Variants in PTCHD4 observed in about 807,000 individuals in gnomAD.
PTCHD4 encodes the protein patched domain containing 4, also known as patched domain-containing protein 4.
Under a neutral mutation model 58.1 loss-of-function variants are expected in PTCHD4, and 33 were observed. That is an observed-to-expected ratio of 0.57 (90% confidence interval 0.43 to 0.76). The LOEUF is 0.76. PTCHD4 is among the 30% of genes least tolerant of loss of function. The pLI is 0.00. For missense variants in PTCHD4, 1,058 were observed against 1,027.1 expected (o/e 1.03, Z -0.41); for synonymous variants, 478 against 409.6 (o/e 1.17, Z -2.02).
At chr6:48,051,853 C>G (rs944415248) in intron 3 of PTCHD4, among the ~76,000 whole-genome samples, 1 of 151,940 alleles carries the variant, frequency 6.6e-6, no homozygotes, top group South Asian at 2.1e-4. Context: ...GTATAGAGCT[C>G]TTGAGGAGGC....
Position 47,863,909 on chromosome 6 carries a change from G to A in PTCHD4, c.*14394C>T, listed in dbSNP as rs896217852. ...CCAACAGGTAGACTTGTCAGATATGGCCTTAGTTCAGGTAATTTCTTTTCT... is the reference window on the plus strand; with the variant it reads ...CCAACAGGTAGACTTGTCAGATATGACCTTAGTTCAGGTAATTTCTTTTCT... On this transcript the variant is annotated 3_prime_UTR_variant, in exon 5 of 5. Transcript: ENST00000339488. 2.0e-5 allele frequency among the ~76,000 whole-genome samples: 3 copies of A among 152,002 alleles called. No individual in the cohort carries two copies. The East Asian group carries it at 5.8e-4, about 30-fold the overall frequency.
At chr6:47,974,492 C>T (rs1767621845) in intron 4 of PTCHD4, among the ~76,000 whole-genome samples, 1 of 152,060 alleles carries the variant, frequency 6.6e-6, no homozygotes, top group Admixed American at 6.6e-5. Context: ...ACAATACTGA[C>T]ATTTGGAGCT....
intron 1 of PTCHD4, among the ~76,000 whole-genome samples, chr6:48,086,606 C>T (rs1340509413): frequency 1.3e-5 from 2 of 152,004 alleles, no homozygotes; most frequent in Non-Finnish European, 2.9e-5. Flanking sequence ...TTTTTCAGAG[C>T]AAGTCTGCTT....
Position 47,879,006 on chromosome 6 carries a change from C to T in PTCHD4, c.1829G>A (p.Arg610Lys). 1 of 1,613,398 alleles carries T rather than the reference C, an allele frequency of 6.2e-7. No individual in the cohort carries two copies. Among genetic ancestry groups the T allele is most frequent in the Non-Finnish European group, 8.5e-7 (1 of 1,179,748 alleles). Reference sequence around the variant, plus strand: ...TTCTTTCTGCTTGTCTCTGCTAGTCCTGGCCACCAGATACAAGCGAGAAGC... The same window carrying T: ...TTCTTTCTGCTTGTCTCTGCTAGTCTTGGCCACCAGATACAAGCGAGAAGC... ...IIASRLYLVA[R>K]TSRDKQKEIT... is the part of the protein sequence containing the mutation. The change falls in exon 5 of 5, where the codon AGG (arginine) becomes AAG (lysine). Residue 610 changes from arginine (R) to lysine (K), a missense_variant. Physicochemically the swap from Arg to Lys is conservative, Grantham distance 26. Transcript: ENST00000339488.
At chr6:48,095,939 C>T (rs1267735393) in intron 1 of PTCHD4, among the ~76,000 whole-genome samples, 20 of 151,950 alleles carry the variant, frequency 1.3e-4, no homozygotes, top group Admixed American at 7.9e-4. Context: ...TTATGCCACA[C>T]CTCACACATT....
intron 3 of PTCHD4, among the ~76,000 whole-genome samples, chr6:48,047,797 C>T (rs332553): frequency 0.78 from 118,885 of 151,652 alleles, 46,676 homozygotes; most frequent in Middle Eastern, 0.83. Context: ...CTGGGGCCCA[C>T]ATCAGACCAT....
At chr6:48,038,172 C>T (rs143672432) in intron 3 of PTCHD4, among the ~76,000 whole-genome samples, 32 of 151,960 alleles carry the variant, frequency 2.1e-4, no homozygotes, top group Admixed American at 8.5e-4. Context: ...AAAACATTGT[C>T]GAATGATGCC....
chr6:48,070,145 GTGTGTGTGTGTA>G (rs967427331), intron 1 of PTCHD4, among the ~76,000 whole-genome samples: 13 of 148,100 alleles, frequency 8.8e-5, no homozygotes, highest in African/African-American at 3.0e-4. Flanking sequence ...GTGTGTGTGT[GTGTGTGTGTGTA>G]TATATATATA....
intron 3 of PTCHD4, among the ~76,000 whole-genome samples, chr6:48,062,742 A>G (rs1764673530): frequency 6.6e-6 from 1 of 152,186 alleles, no homozygotes; most frequent in Admixed American, 6.5e-5. Flanking sequence ...GCATCATTCA[A>G]ATGGAAAAAA....
intron 3 of PTCHD4, among the ~76,000 whole-genome samples, chr6:48,041,810 C>G (rs1167174855): frequency 6.6e-6 from 1 of 151,932 alleles, no homozygotes; most frequent in Non-Finnish European, 1.5e-5. Flanking sequence ...TACATGTAGT[C>G]ACATCTTTAT....
At position 47,878,654 on chromosome 6, in the gene PTCHD4, T is replaced by C. The variant is rs774550759; in HGVS notation, c.2181A>G (p.Ala727=). ...CTAATACAAATGTGAAAAGCAGTGG[T>C]GCACAGTGGTCAATGGCGAAATTCA... The part of the protein sequence containing the change: ...YTLNFAIDHC[A]PLLFTFVLAT... The change falls in exon 5 of 5, where the codon GCA becomes GCG. Residue 727 remains alanine (A), a synonymous_variant. Transcript: ENST00000339488. The C allele has an allele frequency of 2.5e-6, 4 of 1,613,600 alleles. No homozygotes were observed. The highest frequency in any genetic ancestry group is 3.4e-6 in the Non-Finnish European group (4 of 1,179,762).
chr6:47,977,841 G>T (rs926887871), intron 4 of PTCHD4, among the ~76,000 whole-genome samples: 1 of 151,950 alleles, frequency 6.6e-6, no homozygotes, highest in African/African-American at 2.4e-5. Flanking sequence ...GACATTAAAA[G>T]ACAAAAGAAA....
intron 1 of PTCHD4, among the ~76,000 whole-genome samples, chr6:48,101,615 G>C (rs1355637809): frequency 6.6e-6 from 1 of 152,180 alleles, no homozygotes; most frequent in African/African-American, 2.4e-5. Context: ...AGGTAAACTG[G>C]GTAGCCTCAC....
intron 4 of PTCHD4, among the ~76,000 whole-genome samples, chr6:47,965,312 T>C (rs1169457623): frequency 6.6e-6 from 1 of 152,216 alleles, no homozygotes; most frequent in Non-Finnish European, 1.5e-5. Context: ...TGCGAAAATA[T>C]CACCTGTAGA....
intron 4 of PTCHD4, among the ~76,000 whole-genome samples, chr6:47,989,010 T>C: frequency 6.6e-6 from 1 of 152,194 alleles, no homozygotes. Flanking sequence ...GAATGGTTTT[T>C]CCCAAAAGCC....
intron 3 of PTCHD4, among the ~76,000 whole-genome samples, chr6:48,036,051 G>A (rs560270579): frequency 1.3e-5 from 2 of 151,672 alleles, no homozygotes; most frequent in African/African-American, 2.4e-5. Context: ...ATACACCCTC[G>A]AGCTTGAGAA....
chr6:47,951,516 C>T (rs942168694), intron 4 of PTCHD4, among the ~76,000 whole-genome samples: 1 of 152,064 alleles, frequency 6.6e-6, no homozygotes, highest in Non-Finnish European at 1.5e-5. Flanking sequence ...ACACAAGGGA[C>T]CCAGATTTTT....
At chr6:47,930,561 T>C (rs1280220801) in intron 4 of PTCHD4, among the ~76,000 whole-genome samples, 1 of 152,146 alleles carries the variant, frequency 6.6e-6, no homozygotes, top group Non-Finnish European at 1.5e-5. Context: ...GGAGATTTAC[T>C]TTCCAGAAAA....
At chr6:47,881,352 T>C (rs962719628) in intron 4 of PTCHD4, among the ~76,000 whole-genome samples, 1 of 152,196 alleles carries the variant, frequency 6.6e-6, no homozygotes, top group African/African-American at 2.4e-5. Flanking sequence ...CTTGAAAATA[T>C]TATTTCCCAG....
Sources: gnomAD v4.1 joint callset for allele counts (sites outside exome capture counted in the v4.1 genomes callset) on GRCh38, gnomAD v4.1.1 for gene constraint, MANE v1.5 for transcripts, NCBI Gene and HGNC (gene_info 2026-07-23, HGNC 2026-07-21) for gene names.